The following OTOF variants were observed in gnomAD, a reference collection of about 807,000 sequenced individuals.
The protein encoded by OTOF is otoferlin, also known as fer-1-like family member 2.
Under a neutral mutation model 236.8 loss-of-function variants are expected in OTOF, and 218 were observed. That is an observed-to-expected ratio of 0.92 (90% CI 0.82 to 1.03). OTOF has a LOEUF of 1.03. Ranked by LOEUF, OTOF falls within the 50% of genes least tolerant of loss-of-function variation. The probability of loss-of-function intolerance (pLI) is 0.00; values close to 1 mark genes in which losing one functional copy is unlikely to be tolerated. For synonymous variants in OTOF, 1,041 were observed against 1,072.5 expected, an observed-to-expected ratio of 0.97 and a Z score of 0.57; for missense variants, 2,590 against 2,694.4, an observed-to-expected ratio of 0.96 and a Z score of 0.86.
chr2:26,553,039 A>G (rs148717733), intron 1 of OTOF, among the ~76,000 whole-genome samples: 8 of 152,302 alleles, frequency 5.3e-5, no homozygotes, highest in African/African-American at 1.7e-4. Context: ...AGCTATATTT[A>G]TCATCAAGAG....
Position 26,476,112 on chromosome 2 carries a change from A to T in OTOF, c.2866+16T>A, listed in dbSNP as rs761750561. ...CCCCTCCCAGGTGAGGCTTCGAGTG[A>T]GGGGTCCTCACTCACTGGTGTAGAC... On this transcript the variant is annotated intron_variant, in intron 23 of 46. Coordinates refer to ENST00000272371, the MANE Select transcript of OTOF (RefSeq NM_194248.3). 6.2e-7 allele frequency: 1 copy of T among 1,611,252 alleles called. No individual in the cohort carries two copies. Among genetic ancestry groups the T allele is most frequent in the South Asian group, 1.1e-5 (1 of 90,874 alleles).
At chr2:26,521,209 C>T (rs1287605866) in intron 3 of OTOF, among the ~76,000 whole-genome samples, 3 of 152,304 alleles carry the variant, frequency 2.0e-5, no homozygotes, top group Non-Finnish European at 4.4e-5. Flanking sequence ...AATCCCTGCT[C>T]TACTATTACC....
intron 14 of OTOF, 81 bp from the exon 15 acceptor site, chr2:26,481,090 T>C: frequency 9.9e-7 from 1 of 1,008,470 alleles, no homozygotes; most frequent in Non-Finnish European, 1.5e-6. Flanking sequence ...TGGGGGTCCC[T>C]GGCCTCCAGC....
Position 26,558,673 on chromosome 2 carries a change from C to T in OTOF, c.-102G>A, listed in dbSNP as rs181199338. ...TCTCTCTTCTCTGCCGCTGCCTCCT[C>T]CTCCTCCTCCCGACCCCCCTCCGAT... On this transcript the variant is annotated 5_prime_UTR_variant, in exon 1 of 47. Transcript: ENST00000272371. 37 of 989,610 alleles carry T rather than the reference C, an allele frequency of 3.7e-5. No homozygotes were observed. Among genetic ancestry groups the T allele is most frequent in the Non-Finnish European group, 4.4e-5 (28 of 632,244 alleles). The allele number at this position is 989,610 out of a possible 1,614,324, so 61.3% of individuals were successfully genotyped here.
intron 26 of OTOF, 91 bp from the exon 27 acceptor site, chr2:26,474,201 G>C: frequency 6.4e-7 from 1 of 1,558,538 alleles, no homozygotes; most frequent in South Asian, 1.1e-5. Flanking sequence ...TGGGGAGACA[G>C]GGAAACCCCC....
chr2:26,468,690 G>A (rs531751460), intron 32 of OTOF, among the ~76,000 whole-genome samples: 4 of 152,250 alleles, frequency 2.6e-5, no homozygotes, highest in Admixed American at 2.0e-4. Context: ...ATGCATCTGT[G>A]GCACATATAC....
At chr2:26,510,308 C>T (rs1227177989) in intron 5 of OTOF, among the ~76,000 whole-genome samples, 1 of 152,128 alleles carries the variant, frequency 6.6e-6, no homozygotes, top group Non-Finnish European at 1.5e-5. Flanking sequence ...CCCTACCTCG[C>T]CCCTGTTGGG....
At chr2:26,535,758 G>A (rs1667054820) in intron 2 of OTOF, among the ~76,000 whole-genome samples, 1 of 152,210 alleles carries the variant, frequency 6.6e-6, no homozygotes, top group South Asian at 2.1e-4. Context: ...GCCCGGCCTG[G>A]CATGCACTAG....
chr2:26,459,998 A>G lies in OTOF; in HGVS notation c.*17+10T>C, dbSNP rs1326445942. On this transcript the variant is annotated intron_variant, in intron 46 of 46. Coordinates refer to ENST00000272371, the MANE Select transcript of OTOF (RefSeq NM_194248.3). ...CCTTGGTCCAGAGGAAGAAGTAAGA[A>G]ATATCAGACCCAGGAGGCCACTGGG... The G allele has an allele frequency of 6.4e-7, 1 of 1,556,118 alleles. No individual in the cohort carries two copies. The highest frequency in any genetic ancestry group is 8.7e-7 in the Non-Finnish European group (1 of 1,150,014).
intron 41 of OTOF, among the ~76,000 whole-genome samples, 186 bp downstream of exon 41, chr2:26,463,297 C>T (rs1664569372): frequency 6.6e-6 from 1 of 152,222 alleles, no homozygotes; most frequent in African/African-American, 2.4e-5. Flanking sequence ...CCAGGGCAGG[C>T]CCTAAACTCT....
At chr2:26,517,379 C>T (rs1666560502) in intron 4 of OTOF, among the ~76,000 whole-genome samples, 1 of 152,214 alleles carries the variant, frequency 6.6e-6, no homozygotes, top group South Asian at 2.1e-4. Flanking sequence ...GCTTAGATTT[C>T]CCAAGGGAAG....
intron 8 of OTOF, among the ~76,000 whole-genome samples, chr2:26,499,428 T>C (rs1336194836): frequency 1.3e-5 from 2 of 152,132 alleles, no homozygotes; most frequent in Non-Finnish European, 2.9e-5. Flanking sequence ...CTTCCTGCGG[T>C]CTTTATATCT....
chr2:26,514,354 G>A (rs551411935), intron 5 of OTOF, among the ~76,000 whole-genome samples: 1 of 152,370 alleles, frequency 6.6e-6, no homozygotes, highest in Non-Finnish European at 1.5e-5. Flanking sequence ...GGGGCCACAC[G>A]AAGATGGGGA....
intron 6 of OTOF, among the ~76,000 whole-genome samples, chr2:26,502,952 C>T (rs571531150): frequency 1.4e-4 from 22 of 152,364 alleles, no homozygotes; most frequent in African/African-American, 5.0e-4. Flanking sequence ...GTGTATTCAT[C>T]TAATGAGATG....
intron 5 of OTOF, among the ~76,000 whole-genome samples, chr2:26,515,193 G>C (rs1351688231): frequency 1.3e-5 from 2 of 152,232 alleles, no homozygotes; most frequent in African/African-American, 4.8e-5. Flanking sequence ...CTTGCCAAGG[G>C]TCACACGACT....
chr2:26,469,070 A>C (rs1664862198), intron 32 of OTOF, among the ~76,000 whole-genome samples: 2 of 152,028 alleles, frequency 1.3e-5, no homozygotes, highest in South Asian at 4.1e-4. Flanking sequence ...AAAAGAAATA[A>C]CACCTTGCAA....
intron 4 of OTOF, 52 bp from the exon 5 acceptor site, chr2:26,516,651 A>G (rs749260868): frequency 4.6e-5 from 72 of 1,575,564 alleles, no homozygotes; most frequent in Non-Finnish European, 5.9e-5. Flanking sequence ...AGCAATCTCC[A>G]CCCCGTATAT....
chr2:26,475,063 G>A (rs975126335), intron 25 of OTOF, among the ~76,000 whole-genome samples: 1 of 152,026 alleles, frequency 6.6e-6, no homozygotes, highest in Non-Finnish European at 1.5e-5. Context: ...CAGGGGTCGG[G>A]GAGCCCTGGG....
chr2:26,476,820 C>T, intron 22 of OTOF, 71 bp downstream of exon 22: 1 of 1,433,182 alleles, frequency 7.0e-7, no homozygotes, highest in Non-Finnish European at 9.7e-7. Flanking sequence ...ACTCAGGCTT[C>T]CAGCCCCAGG....
Sources: gnomAD v4.1 joint callset for allele counts (sites outside exome capture counted in the v4.1 genomes callset) on GRCh38, gnomAD v4.1.1 for gene constraint, MANE v1.5 for transcripts, NCBI Gene and HGNC (gene_info 2026-07-23, HGNC 2026-07-21) for gene names.